The following TAF4 variants were observed in gnomAD, a reference collection of about 807,000 sequenced individuals.
TAF4 encodes the protein TATA-box binding protein associated factor 4.
In TAF4, 9 loss-of-function variants were observed where a neutral mutation model predicts 90.3. The observed-to-expected ratio is 0.10, with a 90% CI of 0.06 to 0.17. The LOEUF (loss-of-function observed/expected upper bound fraction) is 0.17. Ranked by LOEUF, TAF4 falls within the 10% of genes least tolerant of loss-of-function variation. The probability of loss-of-function intolerance (pLI) is 1.00; values close to 1 mark genes in which losing one functional copy is unlikely to be tolerated. For synonymous variants in TAF4, 818 were observed against 638.9 expected, an observed-to-expected ratio of 1.28 and a Z score of -4.23; for missense variants, 1,351 against 1,370.7, an observed-to-expected ratio of 0.99 and a Z score of 0.23.
chr20:62,024,313 C>G (rs1461775470), intron 1 of TAF4, among the ~76,000 whole-genome samples: 1 of 152,134 alleles, frequency 6.6e-6, no homozygotes. Context: ...AATGTAAAAC[C>G]TAAAACTTCC....
chr20:61,996,526 C>T (rs28742598), intron 14 of TAF4, among the ~76,000 whole-genome samples: 229 of 152,158 alleles, frequency 1.5e-3, no homozygotes, highest in Middle Eastern at 3.4e-3. Flanking sequence ...GAAGGCCAGG[C>T]GTGGTGGCTC....
chr20:62,006,435 G>C lies in TAF4; in HGVS notation c.2223+75C>G. Reference sequence around the variant, plus strand: ...GCTTGGAAAAGGTTTCTGAGCCGTGGCCAATTTATCTAAGAAGCGGGCGGG... The same window carrying C: ...GCTTGGAAAAGGTTTCTGAGCCGTGCCCAATTTATCTAAGAAGCGGGCGGG... On this transcript the variant is annotated intron_variant, in intron 7 of 14. Coordinates refer to ENST00000252996, the MANE Select transcript of TAF4 (RefSeq NM_003185.4). This position sits in a 1 kb window ranked among gnomAD's most constrained non-coding sequence, Gnocchi z 7.0. 1 of 1,327,424 alleles carries C rather than the reference G, an allele frequency of 7.5e-7. No individual in the cohort carries two copies. Among genetic ancestry groups the C allele is most frequent in the Non-Finnish European group, 9.6e-7 (1 of 1,036,422 alleles). The allele number at this position is 1,327,424 out of a possible 1,614,324, so 82.2% of individuals were successfully genotyped here.
At chr20:62,060,027 C>T (rs1480168155) in intron 1 of TAF4, among the ~76,000 whole-genome samples, 1 of 152,264 alleles carries the variant, frequency 6.6e-6, no homozygotes, top group East Asian at 1.9e-4. Flanking sequence ...GATGCGGACA[C>T]GCCCACCAGT....
At chr20:62,045,876 G>A (rs961196613) in intron 1 of TAF4, among the ~76,000 whole-genome samples, 2 of 152,194 alleles carry the variant, frequency 1.3e-5, no homozygotes, top group Admixed American at 1.3e-4. Flanking sequence ...CTCCTCATTT[G>A]TGTCCTCTGC....
chr20:62,042,213 C>T (rs1172888595), intron 1 of TAF4, among the ~76,000 whole-genome samples: 2 of 152,162 alleles, frequency 1.3e-5, no homozygotes, highest in South Asian at 2.1e-4. Context: ...AGAGAAGGAG[C>T]GTCTGAATGT....
intron 1 of TAF4, among the ~76,000 whole-genome samples, chr20:62,021,449 G>C (rs2055842614): frequency 6.6e-6 from 1 of 152,152 alleles, no homozygotes. Context: ...TCTAGCTGCT[G>C]AGACACAGCT....
chr20:61,986,003 C>CCAAAGGAAACACCATCCCCCAT (rs1568922374), intron 14 of TAF4, among the ~76,000 whole-genome samples: 11 of 118,724 alleles, frequency 9.3e-5, no homozygotes, highest in Admixed American at 1.7e-4. Context: ...CCATCCCCAA[C>CCAAAGGAAACACCATCCCCCAT]CAAAGGAAAC....
At chr20:62,060,386 G>A (rs1600867181) in intron 1 of TAF4, among the ~76,000 whole-genome samples, 2 of 152,366 alleles carry the variant, frequency 1.3e-5, no homozygotes, top group African/African-American at 4.8e-5. Flanking sequence ...AGTGAGGAGA[G>A]AGGCTCCTAA....
At chr20:62,062,692 G>C (rs182703760) in intron 1 of TAF4, among the ~76,000 whole-genome samples, 1 of 152,176 alleles carries the variant, frequency 6.6e-6, no homozygotes, top group Non-Finnish European at 1.5e-5. Flanking sequence ...TAAAACAGAA[G>C]ATGGAAGTGA....
At chr20:62,043,586 G>A (rs1383148388) in intron 1 of TAF4, among the ~76,000 whole-genome samples, 4 of 152,084 alleles carry the variant, frequency 2.6e-5, no homozygotes, top group South Asian at 2.1e-4. Context: ...TCCTGCAAGC[G>A]CCATTCATGG....
At chr20:62,064,248 G>A (rs897491990) in intron 1 of TAF4, 7 of 490,238 alleles carry the variant, frequency 1.4e-5, no homozygotes, top group East Asian at 7.1e-5. Context: ...CAGGGACGCA[G>A]GCTATGCCGA....
At chr20:62,036,296 A>G (rs1246240696) in intron 1 of TAF4, among the ~76,000 whole-genome samples, 1 of 152,248 alleles carries the variant, frequency 6.6e-6, no homozygotes, top group Non-Finnish European at 1.5e-5. Context: ...AAGTGCTGGG[A>G]TGACAGGCGT....
chr20:62,005,658 G>C (rs897171013), intron 7 of TAF4: 11 of 152,146 alleles, frequency 7.2e-5, no homozygotes, highest in African/African-American at 2.7e-4. Flanking sequence ...CCTTTATAAG[G>C]GACACCCTCC....
intron 1 of TAF4, among the ~76,000 whole-genome samples, chr20:62,017,636 G>T (rs537525399): frequency 6.6e-6 from 1 of 152,280 alleles, no homozygotes; most frequent in Admixed American, 6.5e-5. Context: ...GACAGAGCGA[G>T]ACTCCGTCTC....
chr20:62,050,612 G>A (rs972067491), intron 1 of TAF4, among the ~76,000 whole-genome samples: 2 of 151,946 alleles, frequency 1.3e-5, no homozygotes, highest in Non-Finnish European at 2.9e-5. Context: ...AGAAGGACAA[G>A]AGAGTTCAAT....
intron 14 of TAF4, among the ~76,000 whole-genome samples, chr20:61,995,425 T>A (rs1206104789): frequency 6.6e-6 from 1 of 152,104 alleles, no homozygotes; most frequent in East Asian, 1.9e-4. Flanking sequence ...CGTAGACACA[T>A]CAGTAGACAT....
chr20:61,981,438 A>G (rs1005499316), intron 14 of TAF4: 1 of 152,266 alleles, frequency 6.6e-6, no homozygotes, highest in African/African-American at 2.4e-5. Flanking sequence ...ACAAATTTTT[A>G]TAAAAACCAT....
At chr20:62,014,509 G>A (rs757878562) in intron 2 of TAF4, 38 bp downstream of exon 2, 35 of 1,562,030 alleles carry the variant, frequency 2.2e-5, no homozygotes, top group Admixed American at 7.8e-5. Context: ...GGGCTGGGCA[G>A]GGAAGGGGTT....
chr20:62,001,289 G>A (rs766916159), intron 9 of TAF4, among the ~76,000 whole-genome samples: 30 of 152,138 alleles, frequency 2.0e-4, no homozygotes, highest in Middle Eastern at 6.8e-3. Flanking sequence ...TCCCAGCAGC[G>A]CCTCTCCCTG....
Sources: gnomAD v4.1 joint callset for allele counts (sites outside exome capture counted in the v4.1 genomes callset) on GRCh38, gnomAD v4.1.1 for gene constraint, Gnocchi (gnomAD v3.1) non-coding constraint, MANE v1.5 for transcripts, NCBI Gene and HGNC (gene_info 2026-07-23, HGNC 2026-07-21) for gene names.